Variants in ROR1 observed in about 807,000 individuals in gnomAD.
The protein encoded by ROR1 is inactive tyrosine-protein kinase transmembrane receptor ROR1.
A neutral mutation model predicts 78.8 loss-of-function variants in ROR1; 19 were observed. The ratio of observed to expected loss-of-function variants is 0.24; its 90% CI spans 0.17 to 0.35. The LOEUF is 0.35. ROR1 is among the 10% of genes least tolerant of loss of function. ROR1 has a pLI of 1.00. For synonymous variants in ROR1, 386 were observed against 433.6 expected, an observed-to-expected ratio of 0.89 and a Z score of 1.36; for missense variants, 917 against 1,177.8, an observed-to-expected ratio of 0.78 and a Z score of 3.24.
intron 8 of ROR1, among the ~76,000 whole-genome samples, chr1:64,165,528 GAT>G (rs1282411862): frequency 6.6e-6 from 1 of 152,026 alleles, no homozygotes; most frequent in Admixed American, 6.6e-5. Flanking sequence ...TTACTCTGTT[GAT>G]AGTTTCTTTT....
intron 4 of ROR1, among the ~76,000 whole-genome samples, chr1:64,084,877 C>A (rs1461212140): frequency 2.0e-5 from 3 of 152,176 alleles, no homozygotes; most frequent in Non-Finnish European, 4.4e-5. Flanking sequence ...TAGCTGTTGG[C>A]TTCCAGGCCT....
chr1:64,076,543 A>T (rs1647051671), intron 4 of ROR1, among the ~76,000 whole-genome samples: 1 of 152,216 alleles, frequency 6.6e-6, no homozygotes, highest in South Asian at 2.1e-4. Context: ...CAAAATTGGC[A>T]TGCAGCCATT....
chr1:63,961,830 A>G (rs1346845654), intron 1 of ROR1, among the ~76,000 whole-genome samples: 1 of 152,236 alleles, frequency 6.6e-6, no homozygotes, highest in African/African-American at 2.4e-5. Flanking sequence ...CAAAATAACT[A>G]GAAGAGAGAA....
intron 1 of ROR1, among the ~76,000 whole-genome samples, chr1:63,936,381 A>G (rs1645794413): frequency 1.3e-5 from 2 of 152,162 alleles, no homozygotes; most frequent in South Asian, 4.1e-4. Flanking sequence ...CTCCCACAGA[A>G]CAGTCATTGT....
intron 1 of ROR1, among the ~76,000 whole-genome samples, chr1:63,783,103 A>G (rs1238932339): frequency 6.6e-6 from 1 of 152,170 alleles, no homozygotes; most frequent in South Asian, 2.1e-4. Flanking sequence ...GAGTTCTTAA[A>G]CCAGGCCTTC....
rs537850870 is a variant in ROR1 at position 63,838,724 on chromosome 1, C to T, written c.91+64216C>T. Among the ~76,000 whole-genome samples the T allele has an allele frequency of 5.8e-4, 89 of 152,180 alleles. 1 individual carries two copies. The highest frequency in any genetic ancestry group is 3.4e-3 in the Middle Eastern group (1 of 292). On this transcript the variant is annotated intron_variant, in intron 1 of 8. Transcript: ENST00000371079. The stretch of plus-strand genomic sequence containing the variant: ...AGGGGTACAGTGTTTATAAAGCCTA[C>T]AGTAGTGTATAGTAATGTCCTAGGC...
At chr1:64,152,486 G>A (rs1649656295) in intron 7 of ROR1, among the ~76,000 whole-genome samples, 1 of 152,100 alleles carries the variant, frequency 6.6e-6, no homozygotes, top group African/African-American at 2.4e-5. Context: ...AAAATTTTTT[G>A]AGCAATTGCA....
chr1:64,068,813 A>G (rs976094477), intron 4 of ROR1, among the ~76,000 whole-genome samples: 5 of 152,204 alleles, frequency 3.3e-5, no homozygotes, highest in African/African-American at 9.6e-5. Context: ...GTTCCGTTTT[A>G]CAGGCTGCAA....
At chr1:63,999,357 A>G (rs1279693934) in intron 1 of ROR1, among the ~76,000 whole-genome samples, 5 of 152,130 alleles carry the variant, frequency 3.3e-5, no homozygotes, top group Admixed American at 3.3e-4. Context: ...GTGGTGGAAA[A>G]TTCTGTTTTA....
At chr1:63,893,890 A>G (rs1184617225) in intron 1 of ROR1, among the ~76,000 whole-genome samples, 3 of 152,146 alleles carry the variant, frequency 2.0e-5, no homozygotes, top group African/African-American at 7.2e-5. Flanking sequence ...AATTTCATGC[A>G]TAGAAGATTC....
intron 1 of ROR1, among the ~76,000 whole-genome samples, chr1:63,840,625 G>T (rs1262053886): frequency 6.6e-6 from 1 of 152,092 alleles, no homozygotes; most frequent in Non-Finnish European, 1.5e-5. Flanking sequence ...TGAGTAAATA[G>T]TATTTGTATA....
intron 1 of ROR1, among the ~76,000 whole-genome samples, chr1:63,850,556 A>C (rs1645107885): frequency 8.6e-6 from 1 of 115,926 alleles, no homozygotes; most frequent in East Asian, 2.0e-4. Context: ...TTGCTTATTC[A>C]ACAGGTATGA....
intron 1 of ROR1, among the ~76,000 whole-genome samples, chr1:63,956,135 T>TAC (rs1259618012): frequency 1.3e-5 from 2 of 152,222 alleles, no homozygotes; most frequent in East Asian, 1.9e-4. Context: ...CCTCTGAGCT[T>TAC]ACACACACAC....
intron 4 of ROR1, among the ~76,000 whole-genome samples, chr1:64,133,391 T>C (rs944992456): frequency 2.6e-5 from 4 of 152,198 alleles, no homozygotes; most frequent in African/African-American, 9.7e-5. Flanking sequence ...TCTGCAGTGG[T>C]TCCTAGATGG....
chr1:64,165,701 C>CTTTTTTTTT (rs576997668), intron 8 of ROR1, among the ~76,000 whole-genome samples: 1 of 102,920 alleles, frequency 9.7e-6, no homozygotes, highest in Non-Finnish European at 1.9e-5. Flanking sequence ...TCGGGTTTTA[C>CTTTTTTTTT]TTTTTTTTTT....
intron 1 of ROR1, among the ~76,000 whole-genome samples, chr1:63,984,792 T>A (rs1474844651): frequency 1.3e-5 from 2 of 152,222 alleles, no homozygotes; most frequent in African/African-American, 4.8e-5. Context: ...TGGACAGATA[T>A]ACAATATGAA....
At chr1:64,122,261 A>C (rs1648568819) in intron 4 of ROR1, among the ~76,000 whole-genome samples, 1 of 152,216 alleles carries the variant, frequency 6.6e-6, no homozygotes, top group South Asian at 2.1e-4. Flanking sequence ...TGGAACTTTC[A>C]TTAAAATGTA....
At chr1:64,140,541 C>A in intron 6 of ROR1, 115 bp downstream of exon 6, 2 of 948,364 alleles carry the variant, frequency 2.1e-6, no homozygotes, top group Non-Finnish European at 3.2e-6. Context: ...AATTATTTTC[C>A]AATGGGCTGA....
At chr1:63,847,731 AT>A (rs1486826958) in intron 1 of ROR1, among the ~76,000 whole-genome samples, 1 of 152,230 alleles carries the variant, frequency 6.6e-6, no homozygotes, top group East Asian at 1.9e-4. Flanking sequence ...CCATATTAAA[AT>A]ACAGCTGCAG....
Sources: allele counts gnomAD v4.1 joint callset (sites outside exome capture counted in the v4.1 genomes callset), GRCh38; gene constraint gnomAD v4.1.1; transcripts MANE v1.5; gene names NCBI Gene and HGNC (gene_info 2026-07-23, HGNC 2026-07-21).